The following KLKB1 variants were observed in gnomAD, a reference collection of about 807,000 sequenced individuals.
KLKB1 encodes kallikrein B1.
A neutral mutation model predicts 73.6 loss-of-function variants in KLKB1; 58 were observed. The ratio of observed to expected loss-of-function variants is 0.79; its 90% CI spans 0.64 to 0.98. The LOEUF (loss-of-function observed/expected upper bound fraction) is 0.98. Among genes scored for constraint, KLKB1 ranks in the 50% least tolerant of loss-of-function variants. The pLI is 0.00. For synonymous variants in KLKB1, 280 were observed against 258.1 expected (o/e 1.08, Z -0.81); for missense variants, 737 against 763.8 (o/e 0.96, Z 0.41).
chr4:186,227,863 A>T (rs1299415534), intron 1 of KLKB1, among the ~76,000 whole-genome samples: 3 of 152,118 alleles, frequency 2.0e-5, no homozygotes, highest in East Asian at 1.9e-4. Flanking sequence ...ATTATTTATT[A>T]ATTTTGTTTT....
At chr4:186,240,575 G>A (rs1487481085) in intron 6 of KLKB1, among the ~76,000 whole-genome samples, 1 of 152,184 alleles carries the variant, frequency 6.6e-6, no homozygotes, top group Non-Finnish European at 1.5e-5. Flanking sequence ...TTAATGACAA[G>A]ATGTTACTAA....
At position 186,232,217 on chromosome 4, in the gene KLKB1, G is replaced by A. The variant is rs760733760; in HGVS notation, c.149G>A (p.Arg50Lys). 4.9e-5 allele frequency: 79 copies of A among 1,613,996 alleles called. No individual in the cohort carries two copies. Among genetic ancestry groups the A allele is most frequent in the Non-Finnish European group, 6.4e-5 (75 of 1,179,902 alleles). ...YTPNAQYCQMRCTFHPRCLLF... is the reference protein window; with the variant it reads ...YTPNAQYCQMKCTFHPRCLLF... ...CCAAATGCCCAATACTGCCAGATGA[G>A]GTGCACATTCCACCCAAGGTGTTTG... The change falls in exon 3 of 15, where the codon AGG becomes AAG. Residue 50 changes from arginine (R) to lysine (K), a missense_variant. By Grantham distance (26) the Arg-to-Lys change is conservative (BLOSUM62 2). Transcript: ENST00000264690.
At position 186,251,288 on chromosome 4, in the gene KLKB1, A is replaced by G. The variant is rs180933633; in HGVS notation, c.828A>G (p.Ile276Met). 72 of 1,611,596 alleles carry G rather than the reference A, an allele frequency of 4.5e-5. No homozygotes were observed. In the East Asian group the frequency reaches 1.5e-3, roughly 34 times the overall value. Reference sequence around the variant, plus strand: ...CCTCTACTCCTCAAGAAAACACCATATCTGGATATAGCCTTTTAACCTGCA... The same window carrying G: ...CCTCTACTCCTCAAGAAAACACCATGTCTGGATATAGCCTTTTAACCTGCA... ...PSSSTPQENT[I>M]SGYSLLTCKR... Residue 276 changes from isoleucine (I) to methionine (M), a missense_variant, in exon 8 of 15, where the codon ATA becomes ATG. Coordinates refer to ENST00000264690, the MANE Select transcript of KLKB1 (RefSeq NM_000892.5).
At chr4:186,243,147 A>C (rs1286172669) in intron 6 of KLKB1, among the ~76,000 whole-genome samples, 14 of 152,076 alleles carry the variant, frequency 9.2e-5, no homozygotes, top group Admixed American at 9.2e-4. Context: ...CCCGAGCTTG[A>C]TGTGTAGGGA....
chr4:186,256,238 C>T, intron 13 of KLKB1, 151 bp downstream of exon 13: 1 of 682,128 alleles, frequency 1.5e-6, no homozygotes. Flanking sequence ...TTCAGTTATT[C>T]TTAAAAAATG....
intron 4 of KLKB1, among the ~76,000 whole-genome samples, chr4:186,234,495 G>T (rs1246484836): frequency 1.3e-5 from 2 of 152,134 alleles, no homozygotes; most frequent in Non-Finnish European, 2.9e-5. Context: ...TACAACTAGG[G>T]AGGATGCTAT....
chr4:186,255,013 T>G (rs899761165), intron 12 of KLKB1, among the ~76,000 whole-genome samples: 1 of 152,172 alleles, frequency 6.6e-6, no homozygotes, highest in Non-Finnish European at 1.5e-5. Flanking sequence ...ATGGAAATAA[T>G]GGGCGTGGGA....
At chr4:186,223,514 A>T (rs1737075433), upstream of KLKB1, among the ~76,000 whole-genome samples, 1 of 152,230 alleles carries the variant, frequency 6.6e-6, no homozygotes, top group African/African-American at 2.4e-5. Context: ...GCTATGCTTT[A>T]GCAGAGACTG....
intron 2 of KLKB1, among the ~76,000 whole-genome samples, chr4:186,214,355 T>C (rs147762724): frequency 9.6e-4 from 147 of 152,352 alleles, no homozygotes; most frequent in African/African-American, 3.4e-3. Flanking sequence ...TTAAAAGGAC[T>C]GTCTTTCATT....
chr4:186,232,916 C>T (rs1732043803), intron 3 of KLKB1, among the ~76,000 whole-genome samples: 1 of 152,030 alleles, frequency 6.6e-6, no homozygotes, highest in Non-Finnish European at 1.5e-5. Flanking sequence ...ATAGTACTTA[C>T]GATTTTGTGT....
intron 4 of KLKB1, among the ~76,000 whole-genome samples, chr4:186,234,430 A>G (rs996368935): frequency 5.3e-5 from 8 of 152,156 alleles, no homozygotes; most frequent in Admixed American, 4.6e-4. Flanking sequence ...ACCAGCAGTG[A>G]TTTTGTCTCT....
chr4:186,246,836 G>T (rs1397230684), intron 6 of KLKB1, among the ~76,000 whole-genome samples: 1 of 152,196 alleles, frequency 6.6e-6, no homozygotes, highest in Non-Finnish European at 1.5e-5. Context: ...GAATAATCAA[G>T]CAGGTGTCCC....
intron 6 of KLKB1, among the ~76,000 whole-genome samples, chr4:186,248,019 G>A (rs936152116): frequency 1.4e-4 from 21 of 152,206 alleles, no homozygotes; most frequent in African/African-American, 3.6e-4. Context: ...AGGCCGAGGC[G>A]GGCGGATCAC....
chr4:186,236,954 A>G lies in KLKB1; in HGVS notation c.488+14A>G. 6.2e-7 allele frequency: 1 copy of G among 1,613,826 alleles called. No individual in the cohort carries two copies. The highest frequency in any genetic ancestry group is 8.5e-7 in the Non-Finnish European group (1 of 1,179,726). ...GGCAGAGTACCGGTGAGTACAATTC[A>G]AGGTGTGTGTTCTTTGTATTGGTGC... is the stretch of plus-strand genomic sequence containing the variant. On this transcript the variant is annotated intron_variant, in intron 5 of 14. Coordinates refer to ENST00000264690, the MANE Select transcript of KLKB1 (RefSeq NM_000892.5).
rs191377399 is a variant in KLKB1 at position 186,246,086 on chromosome 4, G to A, written c.599-4157G>A. Among the ~76,000 whole-genome samples the A allele has an allele frequency of 4.1e-3, 629 of 152,096 alleles. 3 individuals are homozygous for A. Among genetic ancestry groups the A allele is most frequent in the African/African-American group, 0.014 (595 of 41,502 alleles). On this transcript the variant is annotated intron_variant, in intron 6 of 14. Coordinates refer to ENST00000264690, the MANE Select transcript of KLKB1 (RefSeq NM_000892.5). ...CACCTCTTTAAGAGGAAATTGTTGG[G>A]CAGGTGGGGGAGGGCTAGTCGTGGA...
In KLKB1 at chr4:186,244,798, C is replaced by A. The variant is rs541385337; in HGVS notation, c.599-5445C>A. 3.3e-5 allele frequency among the ~76,000 whole-genome samples: 5 copies of A among 152,264 alleles called. No individual in the cohort carries two copies. In the South Asian group the frequency reaches 1.0e-3, roughly 32 times the overall value. On this transcript the variant is annotated intron_variant, in intron 6 of 14. Transcript: ENST00000264690. ...AGTTTATAGGCTTCAAAAGGCCACGCTGTAACAGGTGAGTGATAACAGGCT... is the reference window on the plus strand; with the variant it reads ...AGTTTATAGGCTTCAAAAGGCCACGATGTAACAGGTGAGTGATAACAGGCT...
upstream of KLKB1, among the ~76,000 whole-genome samples, chr4:186,225,479 CA>C (rs1561446114): frequency 5.8e-5 from 2 of 34,214 alleles, no homozygotes; most frequent in African/African-American, 6.3e-4. Flanking sequence ...GGCTGGAGTG[CA>C]GTGTGCAGTG....
intron 11 of KLKB1, among the ~76,000 whole-genome samples, chr4:186,252,412 A>T (rs1738731060): frequency 6.6e-6 from 1 of 152,082 alleles, no homozygotes; most frequent in Admixed American, 6.5e-5. Context: ...TATTCTCCAC[A>T]GAAAGAGAAA....
chr4:186,241,017 G>A (rs938323941), intron 6 of KLKB1, among the ~76,000 whole-genome samples: 3 of 152,128 alleles, frequency 2.0e-5, no homozygotes, highest in African/African-American at 7.2e-5. Context: ...TTAAATTGCA[G>A]TGAGTTCACA....
Sources: allele counts gnomAD v4.1 joint callset (sites outside exome capture counted in the v4.1 genomes callset), GRCh38; gene constraint gnomAD v4.1.1; transcripts MANE v1.5; gene names NCBI Gene and HGNC (gene_info 2026-07-23, HGNC 2026-07-21).